The following CTNND2 variants were observed in gnomAD, a reference collection of about 807,000 sequenced individuals.
CTNND2 encodes the protein catenin delta 2.
Under a neutral mutation model 144.4 loss-of-function variants are expected in CTNND2, and 22 were observed. The ratio of observed to expected loss-of-function variants is 0.15; its 90% CI spans 0.11 to 0.22. The LOEUF is 0.22. Among genes scored for constraint, CTNND2 ranks in the 10% least tolerant of loss-of-function variants. The pLI is 1.00. For synonymous variants in CTNND2, 751 were observed against 695.6 expected (o/e 1.08, Z -1.25); for missense variants, 1,353 against 1,618.8 (o/e 0.84, Z 2.82).
intron 16 of CTNND2, among the ~76,000 whole-genome samples, chr5:11,030,653 C>T (rs555047706): frequency 1.0e-3 from 156 of 149,668 alleles, no homozygotes; most frequent in African/African-American, 3.7e-3. Context: ...TCTTGACTCT[C>T]TTCATATCTT....
At chr5:11,066,263 C>A (rs1282522305) in intron 16 of CTNND2, among the ~76,000 whole-genome samples, 1 of 152,212 alleles carries the variant, frequency 6.6e-6, no homozygotes, top group Non-Finnish European at 1.5e-5. Flanking sequence ...TGGTCTCAAT[C>A]TCTTGACCTC....
At chr5:11,730,608 A>C (rs1787333676) in intron 2 of CTNND2, among the ~76,000 whole-genome samples, 1 of 152,240 alleles carries the variant, frequency 6.6e-6, no homozygotes, top group Non-Finnish European at 1.5e-5. Context: ...GGTCTTTAAA[A>C]TAGTTTGATC....
rs73055902 is a variant in CTNND2 at position 11,620,800 on chromosome 5, T to C, written c.175-55744A>G. On this transcript the variant is annotated intron_variant, in intron 2 of 21. Transcript: ENST00000304623. ...ATCTGGAGGCTGGAGTTGTTCTTCCTAGTTCCAGGCAAAAGTGCCAGGTGA... is the reference window on the plus strand; with the variant it reads ...ATCTGGAGGCTGGAGTTGTTCTTCCCAGTTCCAGGCAAAAGTGCCAGGTGA... Among the ~76,000 whole-genome samples, 234 of 152,288 alleles carry C rather than the reference T, an allele frequency of 1.5e-3. 2 individuals are homozygous for C. Among genetic ancestry groups the C allele is most frequent in the Middle Eastern group, 6.8e-3 (2 of 294 alleles).
In CTNND2 at chr5:11,349,969, C is replaced by T. The variant is rs371836044; in HGVS notation, c.1373-3342G>A. 6.2e-4 allele frequency among the ~76,000 whole-genome samples: 94 copies of T among 152,272 alleles called. 1 individual carries two copies. Among genetic ancestry groups the T allele is most frequent in the African/African-American group, 2.0e-3 (84 of 41,558 alleles). ...TGGTCAATGTGGTGAAACCCCATCTCTACTAAAGACACAAAACATTAGTCG... is the reference window on the plus strand; with the variant it reads ...TGGTCAATGTGGTGAAACCCCATCTTTACTAAAGACACAAAACATTAGTCG... On this transcript the variant is annotated intron_variant, in intron 8 of 21. Transcript: ENST00000304623.
At chr5:11,329,407 G>A (rs139340314) in intron 9 of CTNND2, among the ~76,000 whole-genome samples, 174 of 152,180 alleles carry the variant, frequency 1.1e-3, no homozygotes, top group African/African-American at 4.0e-3. Context: ...CCCATCCCTC[G>A]GCCTCCCAAA....
intron 2 of CTNND2, among the ~76,000 whole-genome samples, chr5:11,710,826 T>C (rs1367565810): frequency 6.6e-6 from 1 of 152,260 alleles, no homozygotes; most frequent in Non-Finnish European, 1.5e-5. Flanking sequence ...GTTTGCTATG[T>C]GCATCAAAGC....
intron 2 of CTNND2, among the ~76,000 whole-genome samples, chr5:11,642,936 A>T (rs1161709871): frequency 6.6e-6 from 1 of 152,174 alleles, no homozygotes; most frequent in African/African-American, 2.4e-5. Flanking sequence ...CTCATGCTGC[A>T]TGCATTTGGG....
chr5:11,060,405 TAC>T (rs3032070), intron 16 of CTNND2, among the ~76,000 whole-genome samples: 2 of 151,652 alleles, frequency 1.3e-5, no homozygotes, highest in African/African-American at 2.4e-5. Flanking sequence ...AAAGGATGAC[TAC>T]ACACACACAC....
intron 3 of CTNND2, among the ~76,000 whole-genome samples, chr5:11,535,456 A>G (rs1383226030): frequency 6.6e-6 from 1 of 152,132 alleles, no homozygotes; most frequent in African/African-American, 2.4e-5. Flanking sequence ...TTTTTCCTAT[A>G]GGTAGTATCA....
chr5:11,184,324 C>T (rs759085227), intron 11 of CTNND2, among the ~76,000 whole-genome samples: 9 of 152,094 alleles, frequency 5.9e-5, no homozygotes, highest in Non-Finnish European at 7.4e-5. Context: ...CAGATAAGAG[C>T]GCATGTTTAT....
intron 18 of CTNND2, among the ~76,000 whole-genome samples, chr5:11,009,669 C>T (rs748363762): frequency 1.2e-4 from 18 of 152,278 alleles, no homozygotes; most frequent in South Asian, 4.1e-4. Context: ...AAAAATGTTA[C>T]GAGCGAAGCC....
chr5:11,382,669 C>T (rs1758640085), intron 7 of CTNND2, among the ~76,000 whole-genome samples: 1 of 149,950 alleles, frequency 6.7e-6, no homozygotes, highest in Admixed American at 6.6e-5. Context: ...TAGTGAAAGT[C>T]ACTACATATC....
At position 11,116,209 on chromosome 5, in the gene CTNND2, T is replaced by C. The variant is rs528121627; in HGVS notation, c.2277+1241A>G. 4.2e-4 allele frequency among the ~76,000 whole-genome samples: 64 copies of C among 152,270 alleles called. 1 individual carries two copies. The South Asian group carries it at 0.012, about 28-fold the overall frequency. ...TAATAAAGAGTCAGAATGAAAACCATAGGATTAAGGTCACGGTTCATAACC... is the reference window on the plus strand; with the variant it reads ...TAATAAAGAGTCAGAATGAAAACCACAGGATTAAGGTCACGGTTCATAACC... On this transcript the variant is annotated intron_variant, in intron 13 of 21. Transcript: ENST00000304623.
chr5:11,649,900 T>C (rs1250119490), intron 2 of CTNND2, among the ~76,000 whole-genome samples: 1 of 152,186 alleles, frequency 6.6e-6, no homozygotes, highest in African/African-American at 2.4e-5. Context: ...ATAATTATTA[T>C]AATCATTTCA....
At chr5:11,477,404 TTTTTG>T (rs568650080) in intron 3 of CTNND2, among the ~76,000 whole-genome samples, 4 of 151,364 alleles carry the variant, frequency 2.6e-5, no homozygotes, top group Admixed American at 6.6e-5. Flanking sequence ...GGTGGTGTTG[TTTTTG>T]TTTTGTTTTG....
At chr5:11,726,505 CCTAT>C (rs1409993620) in intron 2 of CTNND2, among the ~76,000 whole-genome samples, 4 of 152,138 alleles carry the variant, frequency 2.6e-5, no homozygotes, top group Admixed American at 2.6e-4. Flanking sequence ...ATTTATTTTT[CCTAT>C]CTAATGTTTT....
chr5:11,496,596 G>A (rs11959871), intron 3 of CTNND2, among the ~76,000 whole-genome samples: 6,277 of 152,132 alleles, frequency 0.041, 439 homozygotes, highest in African/African-American at 0.14. Context: ...ACATGTACAT[G>A]GTGAAGTTGG....
At chr5:11,044,392 A>G (rs1561217728) in intron 16 of CTNND2, among the ~76,000 whole-genome samples, 1 of 152,064 alleles carries the variant, frequency 6.6e-6, no homozygotes, top group Non-Finnish European at 1.5e-5. Flanking sequence ...AAACCAAACC[A>G]TGCAAATCCA....
intron 10 of CTNND2, among the ~76,000 whole-genome samples, chr5:11,230,657 C>T (rs1740902104): frequency 6.6e-6 from 1 of 152,196 alleles, no homozygotes; most frequent in Admixed American, 6.5e-5. Flanking sequence ...ACTGTGTTTG[C>T]AGCAATCACC....
Sources: gnomAD v4.1 joint callset for allele counts (sites outside exome capture counted in the v4.1 genomes callset) on GRCh38, gnomAD v4.1.1 for gene constraint, MANE v1.5 for transcripts, NCBI Gene and HGNC (gene_info 2026-07-23, HGNC 2026-07-21) for gene names.